The following ANK1 variants were observed in gnomAD, a reference collection of about 807,000 sequenced individuals.
ANK1 encodes ankyrin-1.
In ANK1, 51 loss-of-function variants were observed where a neutral mutation model predicts 210.4. The observed-to-expected ratio is 0.24, with a 90% CI of 0.19 to 0.31. The LOEUF (loss-of-function observed/expected upper bound fraction) is 0.31. Among genes scored for constraint, ANK1 ranks in the 10% least tolerant of loss-of-function variants. The probability of loss-of-function intolerance (pLI) is 1.00; values close to 1 mark genes in which losing one functional copy is unlikely to be tolerated. For synonymous variants in ANK1, 967 were observed against 1,025.9 expected, an observed-to-expected ratio of 0.94 and a Z score of 1.10; for missense variants, 2,051 against 2,504.4, an observed-to-expected ratio of 0.82 and a Z score of 3.86.
intron 16 of ANK1, among the ~76,000 whole-genome samples, 187 bp downstream of exon 16, chr8:41,713,969 C>T (rs1456442718): frequency 1.3e-5 from 2 of 152,230 alleles, no homozygotes; most frequent in Non-Finnish European, 2.9e-5. Context: ...CCATCCCACT[C>T]CTGGGCCCTG....
intron 2 of ANK1, among the ~76,000 whole-genome samples, chr8:41,734,529 G>A (rs1832954890): frequency 6.6e-6 from 1 of 152,166 alleles, no homozygotes; most frequent in Non-Finnish European, 1.5e-5. Flanking sequence ...CTGAAGCAAG[G>A]TCATATGAGA....
chr8:41,698,067 C>G lies in ANK1; in HGVS notation c.2613G>C (p.Val871=). The G allele has an allele frequency of 1.9e-6, 3 of 1,614,162 alleles. No individual in the cohort carries two copies. Among genetic ancestry groups the G allele is most frequent in the Non-Finnish European group, 2.5e-6 (3 of 1,180,040 alleles). ...CCTGCTCCTGCTCTTCTGACCTGAT[C>G]ACCACTGTCTCAGGCATGGCACAGG... ...RIPCAMPETV[V]IRSEEQEQAS... The change falls in exon 24 of 43, where the codon GTG becomes GTC. Residue 871 remains valine, a synonymous_variant. Coordinates refer to ENST00000289734, the MANE Select transcript of ANK1 (RefSeq NM_000037.4).
intron 2 of ANK1, among the ~76,000 whole-genome samples, chr8:41,747,917 G>A (rs1462613780): frequency 6.6e-6 from 1 of 152,090 alleles, no homozygotes; most frequent in African/African-American, 2.4e-5. Flanking sequence ...AACCAGTCTG[G>A]GGCAGATCAC....
At position 41,895,493 on chromosome 8, in the gene ANK1, CCCAAAAGGG is replaced by C. The variant is rs1357352921; in HGVS notation, c.126+853_126+861del. The stretch of plus-strand genomic sequence containing the variant: ...GATCAGGGGTAAGAGGACCCCAGAC[CCCAAAAGGG>C]CTAAAAACAGCAACAGTTGCCCCTG... On this transcript the variant is annotated intron_variant, in intron 1 of 42. Transcript: ENST00000265709. Among the ~76,000 whole-genome samples, 77 of 152,240 alleles carry C rather than the reference CCCAAAAGGG, an allele frequency of 5.1e-4. 1 individual carries two copies. The highest frequency in any genetic ancestry group is 1.9e-3 in the African/African-American group (77 of 41,546).
intron 1 of ANK1, among the ~76,000 whole-genome samples, chr8:41,876,200 G>A (rs886374128): frequency 2.6e-5 from 4 of 152,174 alleles, no homozygotes; most frequent in Non-Finnish European, 5.9e-5. Context: ...GGACGGCCCT[G>A]TCTGGCCTCA....
At chr8:41,896,002 C>T (rs1215672310) in intron 1 of ANK1, among the ~76,000 whole-genome samples, 4 of 152,190 alleles carry the variant, frequency 2.6e-5, no homozygotes, top group African/African-American at 4.8e-5. Flanking sequence ...GGCAGCCCAC[C>T]ACCCGCAGCC....
At chr8:41,666,388 C>T (rs773775924) in intron 39 of ANK1, among the ~76,000 whole-genome samples, 8 of 152,182 alleles carry the variant, frequency 5.3e-5, no homozygotes, top group African/African-American at 9.7e-5. Flanking sequence ...AGTAAGTAAA[C>T]GGAGGAGTCA....
intron 1 of ANK1, among the ~76,000 whole-genome samples, chr8:41,856,462 C>A (rs531608402): frequency 3.3e-5 from 5 of 152,286 alleles, no homozygotes; most frequent in South Asian, 2.1e-4. Context: ...GGATTCGAAT[C>A]CCAGTTCTTC....
intron 1 of ANK1, among the ~76,000 whole-genome samples, chr8:41,786,548 T>C (rs916864961): frequency 6.6e-6 from 1 of 152,226 alleles, no homozygotes; most frequent in Non-Finnish European, 1.5e-5. Flanking sequence ...TGCAAACTAA[T>C]GGAGTCGAGA....
chr8:41,805,132 C>G (rs1850743809), intron 1 of ANK1, among the ~76,000 whole-genome samples: 2 of 150,360 alleles, frequency 1.3e-5, no homozygotes, highest in African/African-American at 4.9e-5. Flanking sequence ...TTCTCTCTTT[C>G]TTTCTCTCTC....
chr8:41,787,167 G>T (rs574007438), intron 1 of ANK1, among the ~76,000 whole-genome samples: 2 of 152,114 alleles, frequency 1.3e-5, no homozygotes, highest in Admixed American at 1.3e-4. Context: ...GCCCAGAGGG[G>T]TGGGCTGGGC....
chr8:41,782,945 GA>G (rs1327086312), intron 1 of ANK1, among the ~76,000 whole-genome samples: 2 of 152,034 alleles, frequency 1.3e-5, no homozygotes, highest in African/African-American at 4.8e-5. Flanking sequence ...TATCCACACT[GA>G]AAAAAAGCTC....
At chr8:41,802,995 G>GAGAAAGAGAGAAAGAAAGAAAGAA (rs1242596948) in intron 1 of ANK1, among the ~76,000 whole-genome samples, 7 of 57,524 alleles carry the variant, frequency 1.2e-4, no homozygotes, top group Non-Finnish European at 1.3e-4. Flanking sequence ...GAGAGAAAGA[G>GAGAAAGAGAGAAAGAAAGAAAGAA]AGAAAGAAAG....
chr8:41,872,810 G>T (rs1815813059), intron 1 of ANK1, among the ~76,000 whole-genome samples: 1 of 152,184 alleles, frequency 6.6e-6, no homozygotes, highest in Non-Finnish European at 1.5e-5. Flanking sequence ...GGTCTGCTGG[G>T]GACCCTTCCA....
chr8:41,775,522 G>A (rs986060090), intron 1 of ANK1, among the ~76,000 whole-genome samples: 5 of 152,210 alleles, frequency 3.3e-5, no homozygotes, highest in African/African-American at 7.2e-5. Flanking sequence ...ATGATTCACC[G>A]CAGAGACAAT....
chr8:41,767,236 G>A (rs1235931852), intron 1 of ANK1, among the ~76,000 whole-genome samples: 1 of 151,976 alleles, frequency 6.6e-6, no homozygotes, highest in Non-Finnish European at 1.5e-5. Context: ...GCAGCCGGGC[G>A]CGGAGCCACA....
At chr8:41,745,204 G>T (rs1356553923) in intron 2 of ANK1, among the ~76,000 whole-genome samples, 1 of 152,136 alleles carries the variant, frequency 6.6e-6, no homozygotes, top group African/African-American at 2.4e-5. Flanking sequence ...CACAGAGAGA[G>T]GGAGAAATTG....
chr8:41,661,031 T>A (rs1344200654), intron 42 of ANK1: 2 of 280,614 alleles, frequency 7.1e-6, no homozygotes, highest in Non-Finnish European at 1.4e-5. Context: ...AGCATTTTTT[T>A]CTTTCTGGCT....
At chr8:41,746,031 C>A (rs1037047916) in intron 2 of ANK1, among the ~76,000 whole-genome samples, 2 of 152,184 alleles carry the variant, frequency 1.3e-5, no homozygotes, top group African/African-American at 4.8e-5. Flanking sequence ...GAGGCACGAC[C>A]TTTACTGGAG....
Sources: allele counts gnomAD v4.1 joint callset (sites outside exome capture counted in the v4.1 genomes callset), GRCh38; gene constraint gnomAD v4.1.1; transcripts MANE v1.5; gene names NCBI Gene and HGNC (gene_info 2026-07-23, HGNC 2026-07-21).